EPM2A: variants seen among roughly 807,000 people sequenced by gnomAD.
EPM2A encodes the protein EPM2A glucan phosphatase, laforin, also known as laforin.
EPM2A carries 21 observed loss-of-function variants against 26.5 expected under a neutral mutation model. That is an observed-to-expected ratio of 0.79 (90% confidence interval 0.56 to 1.14). The LOEUF is 1.14. EPM2A is among the 50% of genes most tolerant of loss of function. EPM2A has a pLI of 0.00. For synonymous variants in EPM2A, 217 were observed against 177.6 expected, an observed-to-expected ratio of 1.22 and a Z score of -1.76; for missense variants, 458 against 440.8, an observed-to-expected ratio of 1.04 and a Z score of -0.35.
At chr6:145,619,744 A>C (rs1391915311) in intron 2 of EPM2A, among the ~76,000 whole-genome samples, 1 of 152,222 alleles carries the variant, frequency 6.6e-6, no homozygotes, top group Non-Finnish European at 1.5e-5. Context: ...AAAAAGAAAA[A>C]GAGGAAGTAT....
intron 2 of EPM2A, among the ~76,000 whole-genome samples, chr6:145,515,628 C>G (rs1412924396): frequency 6.6e-6 from 1 of 152,110 alleles, no homozygotes; most frequent in Non-Finnish European, 1.5e-5. Flanking sequence ...TCTTGAGGGC[C>G]CTGTCCCCAT....
chr6:145,489,706 T>C, intron 4 of EPM2A: 1 of 1,427,496 alleles, frequency 7.0e-7, no homozygotes, highest in South Asian at 1.2e-5. Flanking sequence ...TGGCTTGCTC[T>C]CTAATCCTCA....
intron 2 of EPM2A, among the ~76,000 whole-genome samples, chr6:145,603,202 G>T (rs1008191889): frequency 4.6e-5 from 7 of 151,814 alleles, no homozygotes; most frequent in Admixed American, 4.6e-4. Flanking sequence ...ATTTCTGGCT[G>T]TGACATCCCC....
chr6:145,388,316 T>C (rs1778290337), intron 4 of EPM2A, among the ~76,000 whole-genome samples: 2 of 152,148 alleles, frequency 1.3e-5, no homozygotes, highest in Non-Finnish European at 1.5e-5. Context: ...TGATCTTTCT[T>C]GACCTCATCC....
intron 4 of EPM2A, among the ~76,000 whole-genome samples, chr6:145,455,239 A>T (rs1355276776): frequency 6.6e-6 from 1 of 152,142 alleles, no homozygotes; most frequent in Non-Finnish European, 1.5e-5. Flanking sequence ...GATAGTAAAT[A>T]TATGTATATG....
At chr6:145,661,844 G>T (rs765858797) in intron 2 of EPM2A, among the ~76,000 whole-genome samples, 1 of 151,966 alleles carries the variant, frequency 6.6e-6, no homozygotes, top group Non-Finnish European at 1.5e-5. Flanking sequence ...TGATCAATAC[G>T]TGTGATCACT....
chr6:145,629,196 T>G (rs1776060305), intron 3 of EPM2A: 1 of 152,514 alleles, frequency 6.6e-6, no homozygotes, highest in African/African-American at 2.4e-5. Context: ...TTCAGTTCCT[T>G]GAGCTCCATC....
chr6:145,662,294 A>C (rs1778775827), intron 2 of EPM2A, among the ~76,000 whole-genome samples: 1 of 152,216 alleles, frequency 6.6e-6, no homozygotes, highest in Non-Finnish European at 1.5e-5. Context: ...CATTTGTATA[A>C]ACCTATTATT....
intron 4 of EPM2A, among the ~76,000 whole-genome samples, chr6:145,435,895 A>G (rs1778983630): frequency 6.6e-6 from 1 of 152,200 alleles, no homozygotes; most frequent in Non-Finnish European, 1.5e-5. Flanking sequence ...CATACATAGC[A>G]TCCCCCAAAA....
intron 2 of EPM2A, among the ~76,000 whole-genome samples, chr6:145,610,316 T>C (rs1775366740): frequency 6.6e-6 from 1 of 152,188 alleles, no homozygotes; most frequent in South Asian, 2.1e-4. Context: ...TTAACAATTT[T>C]CCAACTCTGT....
At chr6:145,606,565 T>C (rs1049387523) in intron 2 of EPM2A, among the ~76,000 whole-genome samples, 3 of 152,184 alleles carry the variant, frequency 2.0e-5, no homozygotes, top group African/African-American at 7.2e-5. Context: ...ATTTGCTTCA[T>C]AGTTTTTTAT....
chr6:145,487,684 T>C (rs1460622250), intron 4 of EPM2A, among the ~76,000 whole-genome samples: 1 of 151,904 alleles, frequency 6.6e-6, no homozygotes, highest in Non-Finnish European at 1.5e-5. Flanking sequence ...TTCTTGTAAA[T>C]TTATTTAAGT....
intron 2 of EPM2A, chr6:145,670,910 C>T: frequency 1.0e-6 from 1 of 985,266 alleles, no homozygotes; most frequent in Non-Finnish European, 1.2e-6. Context: ...AATCATTCCC[C>T]AGTCAGAAGA....
intron 2 of EPM2A, among the ~76,000 whole-genome samples, chr6:145,560,816 G>A (rs1026901779): frequency 2.0e-5 from 3 of 152,096 alleles, no homozygotes; most frequent in Non-Finnish European, 4.4e-5. Flanking sequence ...TGTAAAGTTT[G>A]TAAACTCTGT....
At position 145,456,469 on chromosome 6, in the gene EPM2A, G is replaced by A. The variant is rs182456919; in HGVS notation, c.555+46053C>T. On this transcript the variant is annotated intron_variant, in intron 4 of 4. Coordinates refer to the EPM2A transcript ENST00000638717. ...AGATTGAGAGAAAGAGAGACAGAGAGAAAGAAGGATAAAGAAGAACTTTCC... is the reference window on the plus strand; with the variant it reads ...AGATTGAGAGAAAGAGAGACAGAGAAAAAGAAGGATAAAGAAGAACTTTCC... Among the ~76,000 whole-genome samples, 147 of 152,272 alleles carry A rather than the reference G, an allele frequency of 9.7e-4. 1 individual carries two copies. The highest frequency in any genetic ancestry group is 3.3e-3 in the African/African-American group (138 of 41,556).
Position 145,461,250 on chromosome 6 carries a change from C to T in EPM2A, c.555+41272G>A, listed in dbSNP as rs116874588. Among the ~76,000 whole-genome samples the T allele has an allele frequency of 4.7e-3, 721 of 152,240 alleles. 24 individuals are homozygous for T. In the East Asian group the frequency reaches 0.086, roughly 18 times the overall value. On this transcript the variant is annotated intron_variant, in intron 4 of 4. Transcript: ENST00000638717. ...CAATAAGTCAGTTCTTGTGTAGAAG[C>T]CTTAGTCACTTGAACTTGATTGAAG...
intron 2 of EPM2A, among the ~76,000 whole-genome samples, chr6:145,674,744 G>C (rs1379094311): frequency 6.6e-6 from 1 of 151,906 alleles, no homozygotes; most frequent in Non-Finnish European, 1.5e-5. Flanking sequence ...AGAGAAAAAA[G>C]AGTAAAAACA....
intron 4 of EPM2A, among the ~76,000 whole-genome samples, chr6:145,397,883 C>G (rs753371755): frequency 2.6e-5 from 4 of 152,080 alleles, no homozygotes; most frequent in Non-Finnish European, 4.4e-5. Flanking sequence ...GTACTTAGGC[C>G]CAAGGAAAGA....
intron 2 of EPM2A, among the ~76,000 whole-genome samples, chr6:145,602,003 AATG>A (rs1781422849): frequency 6.6e-6 from 1 of 152,204 alleles, no homozygotes; most frequent in African/African-American, 2.4e-5. Flanking sequence ...TTTTTAATTA[AATG>A]ACTTCTTGTC....
Sources: allele counts gnomAD v4.1 joint callset (sites outside exome capture counted in the v4.1 genomes callset), GRCh38; gene constraint gnomAD v4.1.1; transcripts MANE v1.5; gene names NCBI Gene and HGNC (gene_info 2026-07-23, HGNC 2026-07-21).